The following NFATC2 variants were observed in gnomAD, a reference collection of about 807,000 sequenced individuals.
NFATC2 encodes the protein nuclear factor of activated T-cells, cytoplasmic 2.
Under a neutral mutation model 87.3 loss-of-function variants are expected in NFATC2, and 22 were observed. That is an observed-to-expected ratio of 0.25 (90% confidence interval 0.18 to 0.36). The LOEUF (loss-of-function observed/expected upper bound fraction) is 0.36, where lower values mean the gene tolerates loss of function less well. NFATC2 is among the 10% of genes least tolerant of loss of function. The pLI is 1.00. For missense variants in NFATC2, 1,149 were observed against 1,259.1 expected, an observed-to-expected ratio of 0.91 and a Z score of 1.32; for synonymous variants, 565 against 542.2, an observed-to-expected ratio of 1.04 and a Z score of -0.58.
intron 1 of NFATC2, among the ~76,000 whole-genome samples, chr20:51,529,391 T>C (rs938124230): frequency 2.0e-5 from 3 of 152,032 alleles, no homozygotes; most frequent in African/African-American, 7.3e-5. Context: ...AGACTTTAAA[T>C]GTTTACCAGC....
At chr20:51,425,017 A>G (rs1981565570) in intron 9 of NFATC2, among the ~76,000 whole-genome samples, 1 of 152,134 alleles carries the variant, frequency 6.6e-6, no homozygotes, top group African/African-American at 2.4e-5. Context: ...TTGTGTGTCT[A>G]TAGCACTGAC....
At chr20:51,485,824 T>C (rs1447968179) in intron 3 of NFATC2, among the ~76,000 whole-genome samples, 1 of 152,172 alleles carries the variant, frequency 6.6e-6, no homozygotes, top group Non-Finnish European at 1.5e-5. Context: ...CAATATTAAC[T>C]TTCATTCATA....
intron 1 of NFATC2, among the ~76,000 whole-genome samples, chr20:51,537,049 A>C (rs1168773978): frequency 1.3e-5 from 2 of 152,122 alleles, no homozygotes; most frequent in African/African-American, 4.8e-5. Context: ...AGGGCCTGGC[A>C]CAAAACCAGC....
At chr20:51,442,595 G>A (rs1984500380) in intron 6 of NFATC2, among the ~76,000 whole-genome samples, 1 of 152,104 alleles carries the variant, frequency 6.6e-6, no homozygotes, top group Admixed American at 6.6e-5. Context: ...TCCAGGGCTG[G>A]GCCTGAATGC....
intron 5 of NFATC2, among the ~76,000 whole-genome samples, chr20:51,459,096 C>T (rs1161950364): frequency 6.6e-6 from 1 of 152,188 alleles, no homozygotes; most frequent in Non-Finnish European, 1.5e-5. Flanking sequence ...CAAGACCCTG[C>T]ATATGACTAT....
At chr20:51,484,334 G>A (rs905085822) in intron 3 of NFATC2, among the ~76,000 whole-genome samples, 5 of 151,992 alleles carry the variant, frequency 3.3e-5, no homozygotes, top group East Asian at 1.9e-4. Context: ...GACACCCCAC[G>A]CCCTTCCCAC....
Position 51,540,647 on chromosome 20 carries a change from G to GTTTT in NFATC2, c.130+1719_130+1722dup, listed in dbSNP as rs375172598. Among the ~76,000 whole-genome samples the GTTTT allele has an allele frequency of 7.9e-3, 896 of 112,832 alleles. 184 individuals carry two copies. Among genetic ancestry groups the GTTTT allele is most frequent in the African/African-American group, 0.033 (744 of 22,794 alleles). 74.0% of individuals were successfully genotyped at this position (112,832 alleles called of 152,430 possible). ...ATCTGAAACTGTTCCAAAAACTGAA[G>GTTTT]TTTTTTTTTTGTTTTTTTTTTTTTG... On this transcript the variant is annotated intron_variant, in intron 1 of 10. Transcript: ENST00000371564.
rs998768921 is a variant in NFATC2, at chr20:51,388,288, TTGA to T, written c.*3205_*3207del. 63 of 152,218 alleles carry T rather than the reference TTGA, an allele frequency of 4.1e-4. No individual in the cohort carries two copies. Among genetic ancestry groups the T allele is most frequent in the African/African-American group, 1.4e-3 (59 of 41,450 alleles). 9.4% of individuals were successfully genotyped at this position (152,218 alleles called of 1,614,324 possible). On this transcript the variant is annotated 3_prime_UTR_variant, in exon 11 of 11. Coordinates refer to ENST00000371564, the MANE Select transcript of NFATC2 (RefSeq NM_012340.5). ...TATTTTGGGGGGAGGATCTAGACAC[TTGA>T]TGATTCTCAGTGACCAGATCCAGGC...
chr20:51,502,537 T>A (rs868287874), intron 3 of NFATC2, among the ~76,000 whole-genome samples: 10 of 152,194 alleles, frequency 6.6e-5, no homozygotes, highest in African/African-American at 2.2e-4. Flanking sequence ...GGTCTGGTAA[T>A]GTTGCCCAAG....
At chr20:51,450,355 A>C (rs1174517460) in intron 6 of NFATC2, among the ~76,000 whole-genome samples, 2 of 152,164 alleles carry the variant, frequency 1.3e-5, no homozygotes, top group African/African-American at 4.8e-5. Context: ...TGAGTAATGA[A>C]TATCACAAGA....
At chr20:51,531,870 GA>G (rs1435908356) in intron 1 of NFATC2, among the ~76,000 whole-genome samples, 4 of 151,802 alleles carry the variant, frequency 2.6e-5, no homozygotes, top group Non-Finnish European at 4.4e-5. Flanking sequence ...AAAGCATTAC[GA>G]AAAAAAGGAA....
chr20:51,426,000 A>G (rs1981765065), intron 9 of NFATC2, among the ~76,000 whole-genome samples: 2 of 152,138 alleles, frequency 1.3e-5, no homozygotes, highest in African/African-American at 4.8e-5. Flanking sequence ...GGTCCCCTGG[A>G]GGAAGCGGGG....
intron 5 of NFATC2, among the ~76,000 whole-genome samples, chr20:51,463,682 C>T (rs1280041302): frequency 6.6e-6 from 1 of 152,238 alleles, no homozygotes; most frequent in Non-Finnish European, 1.5e-5. Flanking sequence ...TGCAGCAAGT[C>T]ACTCATCCTT....
At chr20:51,547,124 T>A (rs2076895780), upstream of NFATC2, among the ~76,000 whole-genome samples, 1 of 152,064 alleles carries the variant, frequency 6.6e-6, no homozygotes, top group African/African-American at 2.4e-5. Flanking sequence ...AGACGAGTTT[T>A]TAGATGATGG....
chr20:51,508,426 C>T (rs902515205), intron 3 of NFATC2, among the ~76,000 whole-genome samples: 1 of 152,152 alleles, frequency 6.6e-6, no homozygotes, highest in Non-Finnish European at 1.5e-5. Flanking sequence ...GAGAGCAGTG[C>T]CACAACTGGC....
At chr20:51,484,428 T>C (rs1208509356) in intron 3 of NFATC2, among the ~76,000 whole-genome samples, 1 of 152,134 alleles carries the variant, frequency 6.6e-6, no homozygotes, top group East Asian at 1.9e-4. Context: ...AGTTATTTGC[T>C]CTTTGCTGCC....
intron 10 of NFATC2, among the ~76,000 whole-genome samples, chr20:51,398,180 A>G (rs16996000): frequency 0.096 from 14,480 of 151,338 alleles, 2,294 homozygotes; most frequent in African/African-American, 0.33. Flanking sequence ...GGAGGGAATC[A>G]GGATTGGAAA....
intron 6 of NFATC2, among the ~76,000 whole-genome samples, chr20:51,441,527 C>T (rs555702865): frequency 1.2e-4 from 18 of 152,002 alleles, no homozygotes; most frequent in African/African-American, 4.1e-4. Context: ...ACCCACCTGA[C>T]CAACATGGTG....
intron 3 of NFATC2, among the ~76,000 whole-genome samples, chr20:51,481,395 G>A (rs149814458): frequency 1.2e-3 from 181 of 149,910 alleles, no homozygotes; most frequent in African/African-American, 4.0e-3. Context: ...TGGACCAGCC[G>A]GATCACACTC....
Sources: gnomAD v4.1 joint callset for allele counts (sites outside exome capture counted in the v4.1 genomes callset) on GRCh38, gnomAD v4.1.1 for gene constraint, MANE v1.5 for transcripts, NCBI Gene and HGNC (gene_info 2026-07-23, HGNC 2026-07-21) for gene names.